Variants in DPH6 observed in about 807,000 individuals in gnomAD.
DPH6 encodes the protein diphthine--ammonia ligase.
A neutral mutation model predicts 38.2 loss-of-function variants in DPH6; 33 were observed. That is an observed-to-expected ratio of 0.86 (90% CI 0.65 to 1.15). The LOEUF (loss-of-function observed/expected upper bound fraction) is 1.15, where lower values mean the gene tolerates loss of function less well. Among genes scored for constraint, DPH6 ranks in the 50% most tolerant of loss-of-function variants. DPH6 has a pLI of 0.00. For synonymous variants in DPH6, 108 were observed against 103.0 expected, an observed-to-expected ratio of 1.05 and a Z score of -0.30; for missense variants, 325 against 320.0, an observed-to-expected ratio of 1.02 and a Z score of -0.12.
chr15:35,386,475 T>C (rs2052959902), intron 6 of DPH6, among the ~76,000 whole-genome samples: 1 of 152,208 alleles, frequency 6.6e-6, no homozygotes, highest in South Asian at 2.1e-4. Context: ...TTTAAAAGTG[T>C]TCCTATTTCT....
chr15:35,173,259 T>A, the DPH6 span, among the ~76,000 whole-genome samples: 1 of 152,240 alleles, frequency 6.6e-6, no homozygotes, highest in Non-Finnish European at 1.5e-5. Context: ...TCAACTCAGT[T>A]GTCCAAAGCT....
At chr15:35,167,259 T>C in the DPH6 span, among the ~76,000 whole-genome samples, 1 of 151,994 alleles carries the variant, frequency 6.6e-6, no homozygotes, top group Non-Finnish European at 1.5e-5. Context: ...CAACTTGCAT[T>C]GGTACAATTC....
intron 3 of DPH6, chr15:35,299,074 C>A: frequency 1.3e-6 from 1 of 759,864 alleles, no homozygotes; most frequent in Non-Finnish European, 2.3e-6. Context: ...TCTGTCTTTC[C>A]AGCTCCCGCT....
chr15:35,524,040 T>C (rs1418966176), intron 3 of DPH6, among the ~76,000 whole-genome samples: 1 of 151,970 alleles, frequency 6.6e-6, no homozygotes, highest in African/African-American at 2.4e-5. Flanking sequence ...TGCAAAGCTA[T>C]TACCTAAAAC....
intron 3 of DPH6, among the ~76,000 whole-genome samples, chr15:35,531,947 A>G (rs1381139746): frequency 1.3e-5 from 2 of 152,172 alleles, no homozygotes; most frequent in African/African-American, 4.8e-5. Context: ...AACAAGCCTA[A>G]TGATGCAATG....
intron 2 of DPH6, among the ~76,000 whole-genome samples, chr15:35,542,207 T>G (rs779232802): frequency 3.3e-5 from 5 of 152,076 alleles, no homozygotes; most frequent in Non-Finnish European, 7.4e-5. Flanking sequence ...AGATTAATAG[T>G]GCATCTCTAT....
intron 3 of DPH6, among the ~76,000 whole-genome samples, chr15:35,466,165 C>T (rs181270707): frequency 4.6e-5 from 7 of 150,876 alleles, no homozygotes; most frequent in Admixed American, 4.6e-4. Context: ...CACTGGACCT[C>T]CAACCTGGGC....
chr15:35,279,321 G>A (rs1007207633), intron 3 of DPH6, among the ~76,000 whole-genome samples: 2 of 152,062 alleles, frequency 1.3e-5, no homozygotes, highest in African/African-American at 2.4e-5. Context: ...GCTGGAATAA[G>A]TTAAGGCTTT....
chr15:35,301,929 G>A (rs1464251284), intron 3 of DPH6, among the ~76,000 whole-genome samples: 2 of 152,070 alleles, frequency 1.3e-5, no homozygotes, highest in Non-Finnish European at 2.9e-5. Flanking sequence ...AGCTAAGATA[G>A]TGCCACTGCA....
intron 3 of DPH6, among the ~76,000 whole-genome samples, chr15:35,274,330 A>G (rs1304807692): frequency 2.6e-5 from 4 of 152,226 alleles, no homozygotes; most frequent in African/African-American, 7.2e-5. Context: ...ACCATTCAGG[A>G]CATAGGCACG....
chr15:35,329,338 G>C (rs1362840193), downstream of DPH6, among the ~76,000 whole-genome samples: 1 of 152,162 alleles, frequency 6.6e-6, no homozygotes, highest in African/African-American at 2.4e-5. Context: ...CTGTGGATGA[G>C]AGAGGTGCCA....
At chr15:35,208,519 G>C in the DPH6 span, among the ~76,000 whole-genome samples, 1 of 152,004 alleles carries the variant, frequency 6.6e-6, no homozygotes. Flanking sequence ...GGAAAACCAG[G>C]GTACTAACTC....
chr15:35,209,228 C>T, the DPH6 span, among the ~76,000 whole-genome samples: 1 of 152,056 alleles, frequency 6.6e-6, no homozygotes, highest in Non-Finnish European at 1.5e-5. Context: ...ATATTATCTG[C>T]AAATAATGAT....
intron 3 of DPH6, among the ~76,000 whole-genome samples, chr15:35,488,394 AG>A (rs1169673854): frequency 3.3e-5 from 5 of 152,214 alleles, no homozygotes; most frequent in African/African-American, 1.2e-4. Context: ...TGAAGAAAAA[AG>A]GTTTAACTGA....
chr15:35,442,550 T>C (rs1018490880), intron 5 of DPH6, among the ~76,000 whole-genome samples: 5 of 152,068 alleles, frequency 3.3e-5, no homozygotes, highest in Non-Finnish European at 7.4e-5. Context: ...AATGAATATA[T>C]AGGTCCAAAG....
At chr15:35,531,576 C>T (rs1277000604) in intron 3 of DPH6, among the ~76,000 whole-genome samples, 1 of 152,102 alleles carries the variant, frequency 6.6e-6, no homozygotes, top group Non-Finnish European at 1.5e-5. Flanking sequence ...CAAGTTCAAA[C>T]AATTCTCTCG....
In DPH6 at chr15:35,372,010, C is replaced by A; in HGVS notation, c.*140G>T. 1.4e-6 allele frequency: 2 copies of A among 1,382,578 alleles called. No homozygotes were observed. Among genetic ancestry groups the A allele is most frequent in the Non-Finnish European group, 9.4e-7 (1 of 1,068,838 alleles). 85.6% of individuals were successfully genotyped at this position (1,382,578 alleles called of 1,614,324 possible). A position where few individuals can be genotyped will look rare whatever the true frequency, so the allele number is the denominator to read the frequency against. On this transcript the variant is annotated 3_prime_UTR_variant, in exon 9 of 9. Coordinates refer to ENST00000256538, the MANE Select transcript of DPH6 (RefSeq NM_080650.4). ...CCCAATTAATAAATGGTTCCACTAA[C>A]CTCTTCTAGTGAAAGTATGTTTCTC...
intron 3 of DPH6, among the ~76,000 whole-genome samples, chr15:35,284,438 AATAG>A (rs2051925453): frequency 6.6e-6 from 1 of 152,174 alleles, no homozygotes; most frequent in Non-Finnish European, 1.5e-5. Context: ...ATTACGGACT[AATAG>A]ATTGCAAAAA....
chr15:35,366,562 C>T (rs187498840), downstream of DPH6, among the ~76,000 whole-genome samples: 1 of 152,038 alleles, frequency 6.6e-6, no homozygotes, highest in East Asian at 1.9e-4. Context: ...AAGAATTAAG[C>T]TTCTCTGTTT....
Sources: allele counts gnomAD v4.1 joint callset (sites outside exome capture counted in the v4.1 genomes callset), GRCh38; gene constraint gnomAD v4.1.1; transcripts MANE v1.5; gene names NCBI Gene and HGNC (gene_info 2026-07-23, HGNC 2026-07-21).